Variants in GALNT13 observed in about 807,000 individuals in gnomAD.
The protein encoded by GALNT13 is polypeptide N-acetylgalactosaminyltransferase 13, also known as UDP-GalNAc:polypeptide N-acetylgalactosaminyltransferase 13.
Under a neutral mutation model 64.2 loss-of-function variants are expected in GALNT13, and 28 were observed. That is an observed-to-expected ratio of 0.44 (90% CI 0.32 to 0.60). The LOEUF (loss-of-function observed/expected upper bound fraction) is 0.60, where lower values mean the gene tolerates loss of function less well. Among genes scored for constraint, GALNT13 ranks in the 20% least tolerant of loss-of-function variants. The pLI is 0.05. For synonymous variants in GALNT13, 214 were observed against 224.6 expected (o/e 0.95, Z 0.42); for missense variants, 577 against 669.8 (o/e 0.86, Z 1.53).
At chr2:154,174,605 A>G (rs1003709309) in intron 4 of GALNT13, among the ~76,000 whole-genome samples, 2 of 152,134 alleles carry the variant, frequency 1.3e-5, no homozygotes, top group Non-Finnish European at 2.9e-5. Flanking sequence ...TTTAAGCAAG[A>G]TGAGTTTTGG....
At chr2:153,873,403 C>T (rs963904172) in intron 1 of GALNT13, among the ~76,000 whole-genome samples, 1 of 152,212 alleles carries the variant, frequency 6.6e-6, no homozygotes, top group South Asian at 2.1e-4. Context: ...TCCCGCATAC[C>T]CGATTCTTTG....
At chr2:153,712,221 G>A in the GALNT13 span, among the ~76,000 whole-genome samples, 1 of 152,072 alleles carries the variant, frequency 6.6e-6, no homozygotes, top group East Asian at 1.9e-4. Context: ...GAAGTATAAT[G>A]TTTATATTAT....
At chr2:154,093,351 A>G (rs1308452546) in intron 3 of GALNT13, among the ~76,000 whole-genome samples, 2 of 152,024 alleles carry the variant, frequency 1.3e-5, no homozygotes, top group Non-Finnish European at 2.9e-5. Context: ...TGGAGTAAAG[A>G]GTAATTAATG....
At chr2:154,407,530 G>T (rs778664967) in intron 10 of GALNT13, among the ~76,000 whole-genome samples, 5 of 152,048 alleles carry the variant, frequency 3.3e-5, no homozygotes, top group Non-Finnish European at 2.9e-5. Context: ...TTTGCCTATA[G>T]GTTCAATCCC....
At chr2:153,498,561 G>A in the GALNT13 span, among the ~76,000 whole-genome samples, 1 of 152,240 alleles carries the variant, frequency 6.6e-6, no homozygotes, top group Admixed American at 6.5e-5. Context: ...TTCTGTGTGA[G>A]GCTGTGGCTG....
In GALNT13 at chr2:154,282,948, C is replaced by T. The variant is rs78002114; in HGVS notation, c.976-18461C>T. Among the ~76,000 whole-genome samples the T allele has an allele frequency of 9.6e-3, 1,461 of 152,282 alleles. 9 individuals carry two copies. The highest frequency in any genetic ancestry group is 0.017 in the Middle Eastern group (5 of 294). The stretch of plus-strand genomic sequence containing the variant: ...TCAACCAAACAACTAAGAAGGCATT[C>T]TCTCAATCAAAATGACAATGAAGAA... On this transcript the variant is annotated intron_variant, in intron 8 of 12. Transcript: ENST00000392825.
intron 3 of GALNT13, among the ~76,000 whole-genome samples, chr2:154,074,275 G>A (rs1177483615): frequency 6.6e-6 from 1 of 151,780 alleles, no homozygotes; most frequent in Non-Finnish European, 1.5e-5. Context: ...AAAGTGAAAT[G>A]GTAGTTAAAA....
the GALNT13 span, among the ~76,000 whole-genome samples, chr2:153,705,622 C>A: frequency 8.5e-5 from 13 of 152,288 alleles, no homozygotes; most frequent in East Asian, 1.7e-3. Flanking sequence ...TGAAACATAT[C>A]TGAAACTCAA....
chr2:153,955,599 G>A (rs569181073), intron 3 of GALNT13, among the ~76,000 whole-genome samples: 10 of 152,280 alleles, frequency 6.6e-5, no homozygotes, highest in African/African-American at 2.2e-4. Context: ...TGTTCTTTAC[G>A]AAAAGGGATC....
intron 4 of GALNT13, among the ~76,000 whole-genome samples, chr2:154,172,988 A>G (rs1321172466): frequency 6.6e-6 from 1 of 152,058 alleles, no homozygotes; most frequent in Non-Finnish European, 1.5e-5. Flanking sequence ...TTTATATAGA[A>G]CTACAGAAGA....
Position 153,872,017 on chromosome 2 carries a change from C to T in GALNT13, c.-463C>T, listed in dbSNP as rs1166703896. ...GGCCTCAGCGTCCGCTCTGGCCGCGCTCGAGGAGCCCTTCAGCCCGCCGCT... is the reference window on the plus strand; with the variant it reads ...GGCCTCAGCGTCCGCTCTGGCCGCGTTCGAGGAGCCCTTCAGCCCGCCGCT... On this transcript the variant is annotated 5_prime_UTR_variant, in exon 1 of 13. Transcript: ENST00000392825. 1 of 152,326 alleles carries T rather than the reference C, an allele frequency of 6.6e-6. No homozygotes were observed. Among genetic ancestry groups the T allele is most frequent in the Non-Finnish European group, 1.5e-5 (1 of 68,204 alleles). The allele number at this position is 152,326 out of a possible 1,614,324, so 9.4% of individuals were successfully genotyped here.
intron 9 of GALNT13, among the ~76,000 whole-genome samples, chr2:154,360,524 G>T (rs939950092): frequency 3.3e-5 from 5 of 152,128 alleles, no homozygotes; most frequent in Admixed American, 2.6e-4. Flanking sequence ...TGCTGCTTTC[G>T]CAGAAAAGCG....
the GALNT13 span, among the ~76,000 whole-genome samples, chr2:153,277,420 A>G: frequency 2.0e-5 from 3 of 152,280 alleles, no homozygotes; most frequent in Admixed American, 6.5e-5. Flanking sequence ...ATTCTGTGGT[A>G]TATATGTATG....
chr2:154,365,057 A>T (rs572967443), intron 9 of GALNT13, among the ~76,000 whole-genome samples: 1 of 152,354 alleles, frequency 6.6e-6, no homozygotes, highest in South Asian at 2.1e-4. Flanking sequence ...TAGACAAACT[A>T]GTTCAACATC....
chr2:153,310,033 C>T, the GALNT13 span, among the ~76,000 whole-genome samples: 1 of 152,114 alleles, frequency 6.6e-6, no homozygotes, highest in South Asian at 2.1e-4. Flanking sequence ...TTTGTTTTTG[C>T]AGCAAATCTA....
At chr2:153,369,259 TAA>T in the GALNT13 span, among the ~76,000 whole-genome samples, 1 of 151,364 alleles carries the variant, frequency 6.6e-6, no homozygotes, top group Admixed American at 6.6e-5. Flanking sequence ...AACAAACTAA[TAA>T]AAAGAGCTGA....
intron 3 of GALNT13, among the ~76,000 whole-genome samples, chr2:153,991,821 G>T (rs1375462838): frequency 6.6e-6 from 1 of 152,010 alleles, no homozygotes; most frequent in Non-Finnish European, 1.5e-5. Flanking sequence ...TACTTAAAAG[G>T]GGGAAATAAT....
the GALNT13 span, among the ~76,000 whole-genome samples, chr2:153,080,844 T>C: frequency 6.6e-6 from 1 of 152,118 alleles, no homozygotes; most frequent in Admixed American, 6.5e-5. Context: ...GTTTTCATTG[T>C]GAATTATACC....
intron 3 of GALNT13, among the ~76,000 whole-genome samples, chr2:154,017,574 C>CAA (rs1697095683): frequency 6.6e-6 from 1 of 151,968 alleles, no homozygotes; most frequent in Admixed American, 6.5e-5. Flanking sequence ...CATATTTTCC[C>CAA]AAGAATTTGG....
Sources: gnomAD v4.1 joint callset for allele counts (sites outside exome capture counted in the v4.1 genomes callset) on GRCh38, gnomAD v4.1.1 for gene constraint, MANE v1.5 for transcripts, NCBI Gene and HGNC (gene_info 2026-07-23, HGNC 2026-07-21) for gene names.